Variants in SGK1 observed in about 807,000 individuals in gnomAD.
SGK1 encodes serum/glucocorticoid regulated kinase 1, also known as serine/threonine-protein kinase Sgk1.
SGK1 carries 26 observed loss-of-function variants against 64.2 expected under a neutral mutation model. The ratio of observed to expected loss-of-function variants is 0.40; its 90% CI spans 0.30 to 0.56. The LOEUF (loss-of-function observed/expected upper bound fraction) is 0.56, where lower values mean the gene tolerates loss of function less well. SGK1 is among the 20% of genes least tolerant of loss of function. The pLI, the probability that SGK1 is intolerant of heterozygous loss-of-function variation, is 0.38. For synonymous variants in SGK1, 265 were observed against 239.7 expected, an observed-to-expected ratio of 1.11 and a Z score of -0.98; for missense variants, 519 against 645.6, an observed-to-expected ratio of 0.80 and a Z score of 2.12.
intron 2 of SGK1, among the ~76,000 whole-genome samples, chr6:134,219,252 T>A (rs1015733523): frequency 3.3e-5 from 5 of 151,968 alleles, no homozygotes; most frequent in African/African-American, 4.8e-5. Context: ...CTTCAAGTGA[T>A]CCACCCGCCT....
At chr6:134,238,930 G>T (rs937070425) in intron 2 of SGK1, among the ~76,000 whole-genome samples, 1 of 152,136 alleles carries the variant, frequency 6.6e-6, no homozygotes, top group Non-Finnish European at 1.5e-5. Flanking sequence ...TATCCATATC[G>T]TAGGGTTTAA....
In SGK1 at chr6:134,170,346, G is replaced by A. The variant is rs772508033; in HGVS notation, c.1503C>T (p.Leu501=). The change falls in exon 14 of 14, where the codon CTC becomes CTT. Residue 501 remains leucine (L), a synonymous_variant. Coordinates refer to ENST00000367858, the MANE Select transcript of SGK1 (RefSeq NM_001143676.3). ...CAGCTTCCTTGACGCTGGCTGTGAC[G>A]AGGACGCTGTCAGGGGACTTGCCAA... is the stretch of plus-strand genomic sequence containing the variant. ...NSIGKSPDSV[L]VTASVKEAAE... The A allele has an allele frequency of 1.7e-5, 27 of 1,613,994 alleles. No individual in the cohort carries two copies. The highest frequency in any genetic ancestry group is 1.6e-4 in the Middle Eastern group (1 of 6,082).
At chr6:134,219,850 G>A (rs1582720647) in intron 2 of SGK1, among the ~76,000 whole-genome samples, 1 of 147,894 alleles carries the variant, frequency 6.8e-6, no homozygotes, top group Non-Finnish European at 1.5e-5. Flanking sequence ...ACGAGGTCAG[G>A]AGATCGAGAC....
intron 1 of SGK1, among the ~76,000 whole-genome samples, chr6:134,305,908 T>C (rs1440030371): frequency 6.6e-6 from 1 of 152,180 alleles, no homozygotes; most frequent in Non-Finnish European, 1.5e-5. Flanking sequence ...TTCTCCTCCA[T>C]AGACCTTAGG....
intron 1 of SGK1, among the ~76,000 whole-genome samples, chr6:134,311,481 A>G (rs550621414): frequency 5.5e-5 from 8 of 145,532 alleles, no homozygotes; most frequent in Non-Finnish European, 1.1e-4. Context: ...TGTCTCTACT[A>G]AAAAAAAAAA....
Position 134,174,570 on chromosome 6 carries a change from C to A in SGK1, c.378G>T (p.Arg126Ser). Residue 126 changes from arginine to serine, a missense_variant, in exon 4 of 14, where the codon AGG becomes AGT. Physicochemically the swap from Arg to Ser is moderately radical, Grantham distance 110. Around this residue, in one of 2 missense-constraint regions of SGK1, gnomAD observed 241 missense variants for 236.9 expected, o/e 1.02. Coordinates refer to ENST00000367858, the MANE Select transcript of SGK1 (RefSeq NM_001143676.3). ...TNDDPAFMKQRRMGLNDFIQK... is the reference protein window; with the variant it reads ...TNDDPAFMKQSRMGLNDFIQK... Reference sequence around the variant, plus strand: ...GAATAAAGTCGTTCAGACCCATCCTCCTCTGCTTCATGAAAGCTGTGGATG... The same window carrying A: ...GAATAAAGTCGTTCAGACCCATCCTACTCTGCTTCATGAAAGCTGTGGATG... 6.2e-7 allele frequency: 1 copy of A among 1,614,010 alleles called. No homozygotes were observed. The highest frequency in any genetic ancestry group is 2.2e-5 in the East Asian group (1 of 44,888).
At chr6:134,310,190 C>CA (rs777297577) in intron 1 of SGK1, among the ~76,000 whole-genome samples, 1 of 152,040 alleles carries the variant, frequency 6.6e-6, no homozygotes, top group Non-Finnish European at 1.5e-5. Context: ...CATATGGCAC[C>CA]CGCATTTCAG....
intron 2 of SGK1, among the ~76,000 whole-genome samples, chr6:134,236,088 C>T (rs1291870134): frequency 6.6e-6 from 1 of 151,996 alleles, no homozygotes; most frequent in Non-Finnish European, 1.5e-5. Flanking sequence ...TAGTTCTTGA[C>T]TTTTCTGTAT....
chr6:134,173,090 C>T lies in SGK1; in HGVS notation c.767G>A (p.Gly256Asp). 1 of 1,613,766 alleles carries T rather than the reference C, an allele frequency of 6.2e-7. No homozygotes were observed. Among genetic ancestry groups the T allele is most frequent in the Non-Finnish European group, 8.5e-7 (1 of 1,179,642 alleles). Residue 256 changes from glycine (G) to aspartate (D), a missense_variant, in exon 8 of 14, where the codon GGC becomes GAC. Physicochemically the swap from Gly to Asp is moderately conservative, Grantham distance 94. Around this residue, in one of 2 missense-constraint regions of SGK1, gnomAD observed 278 missense variants for 408.7 expected, o/e 0.68. Coordinates refer to ENST00000367858, the MANE Select transcript of SGK1 (RefSeq NM_001143676.3). ...LKNVKHPFLV[G>D]LHFSFQTADK... The stretch of plus-strand genomic sequence containing the variant: ...AGCAGTCTGGAAAGAGAAGTGAAGG[C>T]CCACCAGGAAAGGGTGCTTCACATT...
At chr6:134,257,880 T>C (rs1429130298) in intron 2 of SGK1, among the ~76,000 whole-genome samples, 1 of 152,204 alleles carries the variant, frequency 6.6e-6, no homozygotes, top group Admixed American at 6.5e-5. Flanking sequence ...TCAATTTTTA[T>C]AGGAGAGAAC....
chr6:134,243,763 T>C (rs1370001084), intron 2 of SGK1, among the ~76,000 whole-genome samples: 2 of 152,234 alleles, frequency 1.3e-5, no homozygotes, highest in Admixed American at 6.5e-5. Context: ...TAATGAATTA[T>C]ACTGCCTGAC....
At chr6:134,265,198 G>A (rs143757888) in intron 1 of SGK1, among the ~76,000 whole-genome samples, 214 of 152,102 alleles carry the variant, frequency 1.4e-3, no homozygotes, top group African/African-American at 4.9e-3. Context: ...AGTGGCTCAC[G>A]CCTGTAATCC....
At chr6:134,292,062 C>CAAAAAAAAA (rs35485310) in intron 1 of SGK1, among the ~76,000 whole-genome samples, 1 of 132,982 alleles carries the variant, frequency 7.5e-6, no homozygotes, top group Non-Finnish European at 1.6e-5. Context: ...GACTCTCTCT[C>CAAAAAAAAA]AAAAAAAAAA....
At chr6:134,241,041 TTTTTTTC>T (rs1352861108) in intron 2 of SGK1, among the ~76,000 whole-genome samples, 659 of 28,302 alleles carry the variant, frequency 0.023, no homozygotes, top group African/African-American at 0.034. Context: ...GTTTCTTTTC[TTTTTTTC>T]TTTTTTTTTT....
chr6:134,313,528 T>C (rs1777636839), intron 1 of SGK1, among the ~76,000 whole-genome samples: 1 of 151,732 alleles, frequency 6.6e-6, no homozygotes, highest in African/African-American at 2.4e-5. Flanking sequence ...CTTGACTAGT[T>C]TGATGTTGAG....
intron 1 of SGK1, among the ~76,000 whole-genome samples, chr6:134,282,298 G>T (rs536990161): frequency 6.6e-6 from 1 of 152,164 alleles, no homozygotes; most frequent in Non-Finnish European, 1.5e-5. Flanking sequence ...AGAGCAGATA[G>T]AACAGTGAAG....
rs1295052090 is a variant in SGK1, at chr6:134,305,560, G to A, written c.69+11832C>T. Among the ~76,000 whole-genome samples the A allele has an allele frequency of 5.9e-5, 8 of 135,466 alleles. No individual in the cohort carries two copies. In the South Asian group the frequency reaches 6.9e-4, roughly 12 times the overall value. 88.9% of individuals were successfully genotyped at this position (135,466 alleles called of 152,430 possible). On this transcript the variant is annotated intron_variant, in intron 1 of 13. Transcript: ENST00000367858. ...TGCACCCAAGTCTGGGTGACAGAGC[G>A]AGACCCTGTCTCAAAAAAAAAAAAA...
At chr6:134,191,056 T>A (rs1775502032) in intron 3 of SGK1, among the ~76,000 whole-genome samples, 1 of 152,214 alleles carries the variant, frequency 6.6e-6, no homozygotes, top group African/African-American at 2.4e-5. Flanking sequence ...GGCTTTATTT[T>A]TGCCATTTCT....
intron 2 of SGK1, among the ~76,000 whole-genome samples, chr6:134,231,724 A>G (rs1475239257): frequency 6.6e-6 from 1 of 152,202 alleles, no homozygotes; most frequent in Non-Finnish European, 1.5e-5. Context: ...CACTATTTAC[A>G]TGGTATCTAT....
Sources: gnomAD v4.1 joint callset for allele counts (sites outside exome capture counted in the v4.1 genomes callset) on GRCh38, gnomAD v4.1.1 for gene constraint, gnomAD v4.1.1 regional missense constraint, MANE v1.5 for transcripts, NCBI Gene and HGNC (gene_info 2026-07-23, HGNC 2026-07-21) for gene names.